Variants in DEFB124 observed in about 807,000 individuals in gnomAD.
DEFB124 encodes the protein defensin beta 124.
For synonymous variants in DEFB124, 38 were observed against 36.5 expected (o/e 1.04, Z -0.15); for missense variants, 78 against 83.1 (o/e 0.94, Z 0.24).
intron 2 of DEFB124, chr20:31,472,712 T>A (rs66974934): frequency 2.3e-6 from 1 of 436,778 alleles, no homozygotes; most frequent in Non-Finnish European, 4.0e-6. Context: ...TCACTGTTAT[T>A]ATTTCACAAC....
intron 2 of DEFB124, among the ~76,000 whole-genome samples, chr20:31,471,513 C>T (rs547925485): frequency 2.1e-5 from 3 of 146,306 alleles, no homozygotes; most frequent in African/African-American, 5.1e-5. Context: ...ACCTCCCTCC[C>T]GGACGGGGCG....
intron 2 of DEFB124, among the ~76,000 whole-genome samples, chr20:31,466,409 G>A (rs985876959): frequency 6.6e-6 from 1 of 151,756 alleles, no homozygotes; most frequent in Non-Finnish European, 1.5e-5. Flanking sequence ...AGACCAGCCT[G>A]GCCAACATGG....
At chr20:31,470,319 T>G (rs1980209826) in intron 2 of DEFB124, among the ~76,000 whole-genome samples, 1 of 128,584 alleles carries the variant, frequency 7.8e-6, no homozygotes. Flanking sequence ...CACTTCCCAG[T>G]AGGGGCGGCC....
chr20:31,470,404 G>A (rs1458543901), intron 2 of DEFB124, among the ~76,000 whole-genome samples: 2 of 141,938 alleles, frequency 1.4e-5, no homozygotes, highest in Non-Finnish European at 3.1e-5. Flanking sequence ...CTCCCTCCCG[G>A]ACGGGGCGGC....
intron 2 of DEFB124, among the ~76,000 whole-genome samples, chr20:31,469,467 T>A (rs1980170379): frequency 6.6e-6 from 1 of 152,018 alleles, no homozygotes; most frequent in Non-Finnish European, 1.5e-5. Flanking sequence ...TTATTTTTTT[T>A]ATTGATCATT....
In DEFB124 at chr20:31,472,418, AGGGAGAGGGGAGAGGGGAGAAGGGAGAG is replaced by A. The variant is rs373782211; in HGVS notation, c.58+510_58+537del. On this transcript the variant is annotated intron_variant, in intron 2 of 2. Coordinates refer to ENST00000317676, the MANE Select transcript of DEFB124 (RefSeq NM_001037500.2). ...GAAAGAGAGGGAGAGGGAGACCGAG[AGGGAGAGGGGAGAGGGGAGAAGGGAGAG>A]GGGAGAGGGGAGAGGGGAGAGGGGA... Among the ~76,000 whole-genome samples the A allele has an allele frequency of 8.3e-3, 1,009 of 121,348 alleles. 3 individuals carry two copies. Among genetic ancestry groups the A allele is most frequent in the Non-Finnish European group, 0.012 (708 of 59,784 alleles). 79.6% of individuals were successfully genotyped at this position (121,348 alleles called of 152,430 possible). A position where few individuals can be genotyped will look rare whatever the true frequency, so the allele number is the denominator to read the frequency against.
chr20:31,471,855 A>C (rs1182703550), intron 2 of DEFB124, among the ~76,000 whole-genome samples: 1 of 135,120 alleles, frequency 7.4e-6, no homozygotes, highest in African/African-American at 2.9e-5. Flanking sequence ...GGCTGCCGGG[A>C]AGAGGCGCTC....
chr20:31,471,519 G>A (rs1980307440), intron 2 of DEFB124, among the ~76,000 whole-genome samples: 5 of 145,314 alleles, frequency 3.4e-5, no homozygotes, highest in Admixed American at 6.7e-5. Context: ...CTCCCGGACG[G>A]GGCGGCTGGC....
chr20:31,469,508 C>T, intron 2 of DEFB124, among the ~76,000 whole-genome samples: 1 of 151,104 alleles, frequency 6.6e-6, no homozygotes. Context: ...GGGGATTTGG[C>T]AGGGTCATAG....
intron 1 of DEFB124, among the ~76,000 whole-genome samples, chr20:31,473,887 G>C (rs1471554356): frequency 1.3e-5 from 2 of 152,180 alleles, no homozygotes; most frequent in Admixed American, 1.3e-4. Flanking sequence ...GCCAAAGTTT[G>C]AGAACCCCTG....
chr20:31,470,617 C>A (rs1600567855), intron 2 of DEFB124, among the ~76,000 whole-genome samples: 2 of 105,856 alleles, frequency 1.9e-5, no homozygotes, highest in South Asian at 2.9e-4. Context: ...CCCCCCCCCC[C>A]ACCTCCCTCC....
chr20:31,470,077 G>A (rs1242276979), intron 2 of DEFB124, among the ~76,000 whole-genome samples: 1 of 131,650 alleles, frequency 7.6e-6, no homozygotes, highest in Non-Finnish European at 1.6e-5. Context: ...CGGGCAGGGG[G>A]CTGACCCCCC....
intron 2 of DEFB124, among the ~76,000 whole-genome samples, chr20:31,468,042 C>T (rs1980124591): frequency 6.6e-6 from 1 of 152,186 alleles, no homozygotes; most frequent in Non-Finnish European, 1.5e-5. Flanking sequence ...GTATGAACCA[C>T]CACACCCAGC....
intron 2 of DEFB124, among the ~76,000 whole-genome samples, chr20:31,470,516 G>T (rs1326153392): frequency 7.9e-6 from 1 of 125,978 alleles, no homozygotes; most frequent in African/African-American, 3.1e-5. Flanking sequence ...GGGCAGAGGC[G>T]CCCCTCACTT....
intron 2 of DEFB124, among the ~76,000 whole-genome samples, chr20:31,468,142 T>C (rs554643368): frequency 6.6e-6 from 1 of 152,236 alleles, no homozygotes; most frequent in South Asian, 2.1e-4. Context: ...TGATCTGCAC[T>C]CTCTTCCTCA....
In DEFB124 at chr20:31,473,069, C is replaced by G; in HGVS notation, c.-25-31G>C. ...GAGAGCACAAGAGGAAAGACCCGAG[C>G]AGGCTGAGCCTCGCTGCTTCCAGCC... On this transcript the variant is annotated intron_variant, in intron 1 of 2. Transcript: ENST00000317676. 5.6e-6 allele frequency: 9 copies of G among 1,593,468 alleles called. No individual in the cohort carries two copies. The South Asian group carries it at 7.8e-5, about 14-fold the overall frequency.
At position 31,474,137 on chromosome 20, in the gene DEFB124, T is replaced by C. The variant is rs114311394; in HGVS notation, c.-26+490A>G. On this transcript the variant is annotated intron_variant, in intron 1 of 2. Transcript: ENST00000317676. ...TGTATTATAGACAACCAAAAGTTTT[T>C]TAGCAAGAGTGTAAGCTGTTCATAT... Among the ~76,000 whole-genome samples, 1,021 of 152,336 alleles carry C rather than the reference T, an allele frequency of 6.7e-3. 15 individuals are homozygous for C. The highest frequency in any genetic ancestry group is 0.023 in the African/African-American group (968 of 41,570).
In DEFB124 at chr20:31,472,984, A is replaced by G; in HGVS notation, c.30T>C (p.Ala10=). The change falls in exon 2 of 3, where the codon GCT becomes GCC. Residue 10 remains alanine, a synonymous_variant. Transcript: ENST00000317676. ...ATGGCACATGACCCAGAACCAGGAG[A>G]GCCACAAGGAACAGAAGCAGCTGTG... MTQLLLFLV[A]LLVLGHVPSG... is the part of the protein sequence containing the mutation. 1 of 1,614,060 alleles carries G rather than the reference A, an allele frequency of 6.2e-7. No homozygotes were observed. Among genetic ancestry groups the G allele is most frequent in the Non-Finnish European group, 8.5e-7 (1 of 1,180,014 alleles).
Position 31,474,694 on chromosome 20 carries a change from C to A in DEFB124, c.-93G>T, listed in dbSNP as rs1980427043. Among the ~76,000 whole-genome samples, 1 of 152,124 alleles carries A rather than the reference C, an allele frequency of 6.6e-6. No homozygotes were observed. Among genetic ancestry groups the A allele is most frequent in the Non-Finnish European group, 1.5e-5 (1 of 68,022 alleles). On this transcript the variant is annotated 5_prime_UTR_variant, in exon 1 of 3. Coordinates refer to ENST00000317676, the MANE Select transcript of DEFB124 (RefSeq NM_001037500.2). ...AGACAGAGTGGCAGAGACCTCAGGC[C>A]CAGGCCCAGCTAAGCCTCAGTTGGT...
Sources: gnomAD v4.1 joint callset for allele counts (sites outside exome capture counted in the v4.1 genomes callset) on GRCh38, gnomAD v4.1.1 for gene constraint, MANE v1.5 for transcripts, NCBI Gene and HGNC (gene_info 2026-07-23, HGNC 2026-07-21) for gene names.